LETMD1: variants seen among roughly 807,000 people sequenced by gnomAD.
LETMD1 encodes the protein LETM1 domain containing 1.
In LETMD1, 30 loss-of-function variants were observed where a neutral mutation model predicts 43.9. The ratio of observed to expected loss-of-function variants is 0.68; its 90% CI spans 0.51 to 0.93. The LOEUF is 0.93. Among genes scored for constraint, LETMD1 ranks in the 40% least tolerant of loss-of-function variants. The pLI, the probability that LETMD1 is intolerant of heterozygous loss-of-function variation, is 0.00. For synonymous variants in LETMD1, 176 were observed against 163.1 expected (o/e 1.08, Z -0.60); for missense variants, 413 against 447.7 (o/e 0.92, Z 0.70).
At chr12:51,054,674 C>G (rs552155739) in intron 4 of LETMD1, among the ~76,000 whole-genome samples, 1 of 152,316 alleles carries the variant, frequency 6.6e-6, no homozygotes, top group South Asian at 2.1e-4. Context: ...CACTGCTGCT[C>G]TGTCCTATTG....
intron 3 of LETMD1, 33 bp downstream of exon 3, chr12:51,052,240 T>C: frequency 6.2e-6 from 10 of 1,610,766 alleles, no homozygotes; most frequent in Non-Finnish European, 8.5e-6. Flanking sequence ...CAGAAGTTCA[T>C]GGTGAGGTAA....
At chr12:51,051,839 A>G (rs1170374917) in intron 2 of LETMD1, among the ~76,000 whole-genome samples, 1 of 152,250 alleles carries the variant, frequency 6.6e-6, no homozygotes, top group Non-Finnish European at 1.5e-5. Context: ...AGTGAAACAG[A>G]AGAGGGAGAC....
In LETMD1 at chr12:51,056,186, C is replaced by T; in HGVS notation, c.703C>T (p.Leu235=). Residue 235 remains leucine (L), a synonymous_variant, in exon 6 of 9, where the codon CTG becomes TTG. Coordinates refer to ENST00000262055, the MANE Select transcript of LETMD1 (RefSeq NM_015416.5). Reference sequence around the variant, plus strand: ...CCCAGCAATACATGATATCTTGGCTCTGAGAGAGTGTTTCTCTAACCATCC... The same window carrying T: ...CCCAGCAATACATGATATCTTGGCTTTGAGAGAGTGTTTCTCTAACCATCC... ...THPAIHDILA[L]RECFSNHPLG... The T allele has an allele frequency of 6.2e-7, 1 of 1,614,236 alleles. No homozygotes were observed. The highest frequency in any genetic ancestry group is 8.5e-7 in the Non-Finnish European group (1 of 1,180,056).
At chr12:51,052,066 C>A in intron 2 of LETMD1, 26 bp from the exon 3 acceptor site, 1 of 1,605,410 alleles carries the variant, frequency 6.2e-7, no homozygotes, top group Non-Finnish European at 8.5e-7. Context: ...TAACATCACA[C>A]TCTGTCCTCT....
intron 4 of LETMD1, 108 bp downstream of exon 4, chr12:51,053,968 A>C (rs931724446): frequency 3.9e-6 from 3 of 767,062 alleles, no homozygotes; most frequent in Admixed American, 4.8e-5. Flanking sequence ...GAGGTTATCA[A>C]ACTTCTGCTC....
chr12:51,064,660 T>C (rs1937919020), downstream of LETMD1: 2 of 1,524,018 alleles, frequency 1.3e-6, no homozygotes, highest in South Asian at 1.3e-5. Flanking sequence ...GGAAAGGACA[T>C]GCGATCCACC....
At chr12:51,064,397 C>G (rs565581261), downstream of LETMD1, 32 of 1,614,100 alleles carry the variant, frequency 2.0e-5, no homozygotes, top group East Asian at 3.6e-4. Flanking sequence ...CTGCACTCTG[C>G]AGGTGCATCA....
the LETMD1 span, among the ~76,000 whole-genome samples, chr12:51,065,975 A>G: frequency 6.6e-6 from 1 of 152,186 alleles, no homozygotes; most frequent in African/African-American, 2.4e-5. Flanking sequence ...ATTCTTAGGG[A>G]TGGTATTGCT....
chr12:51,053,348 G>A, intron 3 of LETMD1, among the ~76,000 whole-genome samples: 1 of 152,152 alleles, frequency 6.6e-6, no homozygotes, highest in South Asian at 2.1e-4. Flanking sequence ...GAAGTAAATA[G>A]AAATAAACTT....
Position 51,053,786 on chromosome 12 carries a change from A to G in LETMD1, c.399A>G (p.Gln133=), listed in dbSNP as rs766515743. Residue 133 remains glutamine, a synonymous_variant, in exon 4 of 9, where the codon CAA becomes CAG. Transcript: ENST00000262055. ...REMEHLRQFR[Q]DVTKCLFLGI... Reference sequence around the variant, plus strand: ...TGTTTATTTCTGCTTAGTTCCGCCAAGACGTCACCAAGTGTCTTTTCCTAG... The same window carrying G: ...TGTTTATTTCTGCTTAGTTCCGCCAGGACGTCACCAAGTGTCTTTTCCTAG... 2.5e-6 allele frequency: 4 copies of G among 1,611,368 alleles called. No individual in the cohort carries two copies. Among genetic ancestry groups the G allele is most frequent in the East Asian group, 4.5e-5 (2 of 44,836 alleles).
the LETMD1 span, chr12:51,068,106 A>G: frequency 1.4e-6 from 1 of 728,588 alleles, no homozygotes; most frequent in African/African-American, 1.8e-5. Flanking sequence ...GATGGCAGCT[A>G]CTAGCACATG....
At chr12:51,063,986 G>A (rs1402535546), downstream of LETMD1, 3 of 1,613,876 alleles carry the variant, frequency 1.9e-6, no homozygotes, top group African/African-American at 1.3e-5. Context: ...CTGGGTCTGT[G>A]GAGCTACAAG....
chr12:51,064,042 C>T, downstream of LETMD1: 1 of 1,614,228 alleles, frequency 6.2e-7, no homozygotes. Context: ...AGATCCTTCT[C>T]CTTTGGGAAA....
chr12:51,059,600 A>G lies in LETMD1; in HGVS notation c.*169A>G. The G allele has an allele frequency of 3.1e-6, 2 of 648,488 alleles. No individual in the cohort carries two copies. Among genetic ancestry groups the G allele is most frequent in the Non-Finnish European group, 5.6e-6 (2 of 354,858 alleles). 40.2% of individuals were successfully genotyped at this position (648,488 alleles called of 1,614,324 possible). ...TGGCACACATGTGGGAACTGCAGAC[A>G]TTCCTCTCACAGCTAGAACTGAAAC... On this transcript the variant is annotated 3_prime_UTR_variant, in exon 9 of 9. Transcript: ENST00000262055.
downstream of LETMD1, among the ~76,000 whole-genome samples, chr12:51,060,802 T>C (rs1948791913): frequency 6.8e-6 from 1 of 148,116 alleles, no homozygotes; most frequent in Admixed American, 6.9e-5. Context: ...CTCAGGAGGC[T>C]GAGGCAGGAG....
chr12:51,064,429 T>C, downstream of LETMD1: 3 of 1,612,222 alleles, frequency 1.9e-6, no homozygotes, highest in Non-Finnish European at 2.5e-6. Context: ...TTCTCAGCAA[T>C]GAACTCCTGG....
chr12:51,063,774 G>C (rs1409015492), downstream of LETMD1: 1 of 1,577,938 alleles, frequency 6.3e-7, no homozygotes. Flanking sequence ...TTCTAAGGAA[G>C]AATCTTCAGG....
chr12:51,065,073 C>A (rs1388709955), downstream of LETMD1, among the ~76,000 whole-genome samples: 1 of 152,170 alleles, frequency 6.6e-6, no homozygotes, highest in East Asian at 1.9e-4. Context: ...ACCTGGTTCA[C>A]TGAGACAACA....
chr12:51,058,226 A>G (rs1948287585), intron 8 of LETMD1, 98 bp downstream of exon 8: 1 of 751,392 alleles, frequency 1.3e-6, no homozygotes, highest in Non-Finnish European at 2.4e-6. Context: ...ACTGTGAGAC[A>G]TATATATACA....
Sources: allele counts gnomAD v4.1 joint callset (sites outside exome capture counted in the v4.1 genomes callset), GRCh38; gene constraint gnomAD v4.1.1; transcripts MANE v1.5; gene names NCBI Gene and HGNC (gene_info 2026-07-23, HGNC 2026-07-21).